Variants in STX11 observed in about 807,000 individuals in gnomAD.
The protein encoded by STX11 is syntaxin 11.
STX11 carries 21 observed loss-of-function variants against 19.9 expected under a neutral mutation model. The observed-to-expected ratio is 1.06, with a 90% CI of 0.75 to 1.52. The LOEUF (loss-of-function observed/expected upper bound fraction) is 1.52, where lower values mean the gene tolerates loss of function less well. STX11 is among the 40% of genes most tolerant of loss of function. STX11 has a pLI of 0.00. For missense variants in STX11, 438 were observed against 405.9 expected, an observed-to-expected ratio of 1.08 and a Z score of -0.68; for synonymous variants, 193 against 174.4, an observed-to-expected ratio of 1.11 and a Z score of -0.84.
In STX11 at chr6:144,160,017, A is replaced by G. The variant is rs904333990; in HGVS notation, c.-6+9314A>G. On this transcript the variant is annotated intron_variant, in intron 1 of 1. Transcript: ENST00000367568. This position sits in a 1 kb window ranked among gnomAD's most constrained non-coding sequence, Gnocchi z 4.3. ...GCCAGTTCTTGTTTTTTAAAAAAAT[A>G]TTATGATTTTTGAGAGACTCTGTCG... is the stretch of plus-strand genomic sequence containing the variant. 2.0e-5 allele frequency among the ~76,000 whole-genome samples: 3 copies of G among 151,990 alleles called. No individual in the cohort carries two copies. The highest frequency in any genetic ancestry group is 2.9e-5 in the Non-Finnish European group (2 of 67,998).
Position 144,188,793 on chromosome 6 carries a change from C to A in STX11, c.*1302C>A, listed in dbSNP as rs1291555668. On this transcript the variant is annotated 3_prime_UTR_variant, in exon 2 of 2. Transcript: ENST00000367568. ...CCAGGCTGGAGTGCAGTGGCAGGAT[C>A]TTGGCTCATTGCAACCTCTGTCTCC... Among the ~76,000 whole-genome samples the A allele has an allele frequency of 7.5e-6, 1 of 133,684 alleles. No homozygotes were observed. The highest frequency in any genetic ancestry group is 2.2e-4 in the East Asian group (1 of 4,502). The allele number at this position is 133,684 out of a possible 152,430, so 87.7% of individuals were successfully genotyped here.
intron 1 of STX11, among the ~76,000 whole-genome samples, chr6:144,158,031 A>G (rs1045679575): frequency 1.3e-5 from 2 of 152,104 alleles, no homozygotes; most frequent in Non-Finnish European, 2.9e-5. Flanking sequence ...CCAGGGCCCC[A>G]TTCTAGATCC....
chr6:144,143,938 G>A, the STX11 span, among the ~76,000 whole-genome samples: 1 of 152,228 alleles, frequency 6.6e-6, no homozygotes, highest in East Asian at 1.9e-4. Context: ...AAAGACCCTA[G>A]CTTAAAATCT....
Position 144,165,932 on chromosome 6 carries a change from C to T in STX11, c.-6+15229C>T, listed in dbSNP as rs1479343595. Reference sequence around the variant, plus strand: ...GACAGATGTTAATTGTCTTGCTCAACTTCTCGCAGCTAGAGATGGAAATGG... The same window carrying T: ...GACAGATGTTAATTGTCTTGCTCAATTTCTCGCAGCTAGAGATGGAAATGG... On this transcript the variant is annotated intron_variant, in intron 1 of 1. Coordinates refer to ENST00000367568, the MANE Select transcript of STX11 (RefSeq NM_003764.4). The surrounding 1 kb of genome is among the most constrained non-coding windows in gnomAD (Gnocchi z 5.8). 2.0e-5 allele frequency among the ~76,000 whole-genome samples: 3 copies of T among 152,220 alleles called. No individual in the cohort carries two copies. The highest frequency in any genetic ancestry group is 4.4e-5 in the Non-Finnish European group (3 of 68,044).
At chr6:144,173,100 G>A (rs1025559529) in intron 1 of STX11, among the ~76,000 whole-genome samples, 1 of 152,110 alleles carries the variant, frequency 6.6e-6, no homozygotes, top group Admixed American at 6.6e-5. Context: ...ACAACAAATG[G>A]CTTATTTTTG....
rs1801011298 is a variant in STX11 at position 144,151,699 on chromosome 6, C to T, written c.-6+996C>T. On this transcript the variant is annotated intron_variant, in intron 1 of 1. Coordinates refer to ENST00000367568, the MANE Select transcript of STX11 (RefSeq NM_003764.4). The surrounding 1 kb of genome is among the most constrained non-coding windows in gnomAD (Gnocchi z 4.6). ...CATTATTCAATGACCATTTTGCTGT[C>T]ATTTTCACTGCATGGGAGAAAGGTA... Among the ~76,000 whole-genome samples the T allele has an allele frequency of 6.6e-6, 1 of 152,208 alleles. No individual in the cohort carries two copies. The highest frequency in any genetic ancestry group is 1.5e-5 in the Non-Finnish European group (1 of 68,042).
chr6:144,150,683 G>A lies in STX11; in HGVS notation c.-26G>A, dbSNP rs1210618966. On this transcript the variant is annotated 5_prime_UTR_variant, in exon 1 of 2. Coordinates refer to ENST00000367568, the MANE Select transcript of STX11 (RefSeq NM_003764.4). The stretch of plus-strand genomic sequence containing the variant: ...TGCCGGGAGAGGGGCTTCTCGGTTC[G>A]CACTCTCGCTCCCAGTCCAGGTTTG... 5.1e-6 allele frequency: 5 copies of A among 983,638 alleles called. No homozygotes were observed. The highest frequency in any genetic ancestry group is 6.0e-6 in the Non-Finnish European group (5 of 829,468). The allele number at this position is 983,638 out of a possible 1,614,324, so 60.9% of individuals were successfully genotyped here.
At chr6:144,185,164 T>G (rs1207904502) in intron 1 of STX11, among the ~76,000 whole-genome samples, 1 of 152,232 alleles carries the variant, frequency 6.6e-6, no homozygotes, top group East Asian at 1.9e-4. Flanking sequence ...ATAAAACTTC[T>G]GCTTAATTTA....
rs1801002348 is a variant in STX11 at position 144,151,353 on chromosome 6, T to TGA, written c.-6+650_-6+651insGA. 1.0e-6 allele frequency: 1 copy of TGA among 985,346 alleles called. No individual in the cohort carries two copies. The highest frequency in any genetic ancestry group is 1.7e-5 in the African/African-American group (1 of 57,250). The allele number at this position is 985,346 out of a possible 1,614,324, so 61.0% of individuals were successfully genotyped here. On this transcript the variant is annotated intron_variant, in intron 1 of 1. Transcript: ENST00000367568. This position sits in a 1 kb window ranked among gnomAD's most constrained non-coding sequence, Gnocchi z 4.6. ...AGATCTGTATTACTTCCTGTGGTTC[T>TGA]CACGCACTTGTTTCAGCCGTTTCTC...
At chr6:144,141,735 C>T in the STX11 span, among the ~76,000 whole-genome samples, 1 of 151,852 alleles carries the variant, frequency 6.6e-6, no homozygotes, top group Non-Finnish European at 1.5e-5. Context: ...CTGGAGTGCA[C>T]TTGTGCAATA....
chr6:144,141,861 T>C, the STX11 span, among the ~76,000 whole-genome samples: 1 of 152,034 alleles, frequency 6.6e-6, no homozygotes, highest in Non-Finnish European at 1.5e-5. Context: ...TTGTATTTTT[T>C]TGTAGAGATG....
Position 144,191,281 on chromosome 6 carries a change from G to C in STX11, c.*3790G>C, listed in dbSNP as rs1192815927. ...TCATCTAGTATGCATCGGTATCCAG[G>C]ATAATATGAGTTAGAATTTTAAAAA... On this transcript the variant is annotated 3_prime_UTR_variant, in exon 2 of 2. Coordinates refer to ENST00000367568, the MANE Select transcript of STX11 (RefSeq NM_003764.4). Among the ~76,000 whole-genome samples the C allele has an allele frequency of 6.9e-6, 1 of 145,526 alleles. No individual in the cohort carries two copies. The highest frequency in any genetic ancestry group is 1.5e-5 in the Non-Finnish European group (1 of 66,486).
chr6:144,146,221 C>T (rs1015849244), upstream of STX11, among the ~76,000 whole-genome samples: 6 of 152,284 alleles, frequency 3.9e-5, no homozygotes, highest in South Asian at 2.1e-4. The surrounding 1 kb of genome is among the most constrained non-coding windows in gnomAD (Gnocchi z 4.4). Context: ...ATGATGGCCA[C>T]GGCTGACAGA....
Position 144,165,588 on chromosome 6 carries a change from A to G in STX11, c.-6+14885A>G, listed in dbSNP as rs984405330. On this transcript the variant is annotated intron_variant, in intron 1 of 1. Transcript: ENST00000367568. The surrounding 1 kb of genome is among the most constrained non-coding windows in gnomAD (Gnocchi z 5.8). The stretch of plus-strand genomic sequence containing the variant: ...TGAAGTTTGAGCTGAATAGAGCATT[A>G]ATATGCTGTAACTTGAGTTATAGGA... Among the ~76,000 whole-genome samples, 5 of 152,232 alleles carry G rather than the reference A, an allele frequency of 3.3e-5. No individual in the cohort carries two copies. Among genetic ancestry groups the G allele is most frequent in the Admixed American group, 6.5e-5 (1 of 15,288 alleles).
At chr6:144,149,342 T>A (rs866575495), upstream of STX11, among the ~76,000 whole-genome samples, 1 of 152,168 alleles carries the variant, frequency 6.6e-6, no homozygotes, top group Non-Finnish European at 1.5e-5. The surrounding 1 kb of genome is among the most constrained non-coding windows in gnomAD (Gnocchi z 5.1). Flanking sequence ...TACTTTGGCT[T>A]GTAATCCAAT....
At chr6:144,181,184 G>T (rs1263657463) in intron 1 of STX11, among the ~76,000 whole-genome samples, 1 of 152,144 alleles carries the variant, frequency 6.6e-6, no homozygotes, top group Non-Finnish European at 1.5e-5. Context: ...TTTCCAGTGG[G>T]GGAGAGAGGC....
At position 144,174,606 on chromosome 6, in the gene STX11, G is replaced by A. The variant is rs558426255; in HGVS notation, c.-5-12017G>A. 1.4e-4 allele frequency among the ~76,000 whole-genome samples: 21 copies of A among 152,170 alleles called. No homozygotes were observed. The highest frequency in any genetic ancestry group is 4.3e-4 in the African/African-American group (18 of 41,528). ...TGGTCTTGAACTCCTGGGCACAAGC[G>A]ATCCACCCGCCTTGGCCTCCCAAGC... On this transcript the variant is annotated intron_variant, in intron 1 of 1. Coordinates refer to ENST00000367568, the MANE Select transcript of STX11 (RefSeq NM_003764.4). The surrounding 1 kb of genome is among the most constrained non-coding windows in gnomAD (Gnocchi z 5.3).
rs564820919 is a variant in STX11, at chr6:144,165,721, A to C, written c.-6+15018A>C. On this transcript the variant is annotated intron_variant, in intron 1 of 1. Coordinates refer to ENST00000367568, the MANE Select transcript of STX11 (RefSeq NM_003764.4). This position sits in a 1 kb window ranked among gnomAD's most constrained non-coding sequence, Gnocchi z 5.8. ...GAGTGGTACTTATAGTATCTTCAAT[A>C]AGCTACCTGATAAATTAACTGATTA... Among the ~76,000 whole-genome samples, 11 of 152,340 alleles carry C rather than the reference A, an allele frequency of 7.2e-5. No individual in the cohort carries two copies. The East Asian group carries it at 2.1e-3, about 29-fold the overall frequency.
At position 144,189,711 on chromosome 6, in the gene STX11, C is replaced by T. The variant is rs898725907; in HGVS notation, c.*2220C>T. ...TGCTTATGACCAGGAAAATCTATCCCCTGTATCTAATTTTAATTTCATGGT... is the reference window on the plus strand; with the variant it reads ...TGCTTATGACCAGGAAAATCTATCCTCTGTATCTAATTTTAATTTCATGGT... On this transcript the variant is annotated 3_prime_UTR_variant, in exon 2 of 2. Transcript: ENST00000367568. Among the ~76,000 whole-genome samples the T allele has an allele frequency of 1.3e-5, 2 of 152,162 alleles. No homozygotes were observed. The highest frequency in any genetic ancestry group is 4.8e-5 in the African/African-American group (2 of 41,444).
Sources: allele counts gnomAD v4.1 joint callset (sites outside exome capture counted in the v4.1 genomes callset), GRCh38; gene constraint gnomAD v4.1.1; non-coding constraint Gnocchi (gnomAD v3.1); transcripts MANE v1.5; gene names NCBI Gene and HGNC (gene_info 2026-07-23, HGNC 2026-07-21).